Variants in HIVEP3 observed in about 807,000 individuals in gnomAD.
HIVEP3 encodes transcription factor HIVEP3.
Under a neutral mutation model 152.8 loss-of-function variants are expected in HIVEP3, and 49 were observed. That is an observed-to-expected ratio of 0.32 (90% CI 0.26 to 0.41). The LOEUF is 0.41. Among genes scored for constraint, HIVEP3 ranks in the 10% least tolerant of loss-of-function variants. HIVEP3 has a pLI of 1.00. For synonymous variants in HIVEP3, 1,269 were observed against 1,289.0 expected (o/e 0.98, Z 0.33); for missense variants, 2,790 against 3,103.3 (o/e 0.90, Z 2.40).
intron 1 of HIVEP3, among the ~76,000 whole-genome samples, chr1:41,815,754 T>G (rs35641083): frequency 1.8e-5 from 1 of 55,586 alleles, no homozygotes; most frequent in Non-Finnish European, 4.3e-5. Flanking sequence ...TTTTTTATTG[T>G]TTTTTTTTTT....
At chr1:41,848,248 A>G (rs2124378422) in intron 1 of HIVEP3, 1 of 152,328 alleles carries the variant, frequency 6.6e-6, no homozygotes, top group South Asian at 2.1e-4. Context: ...ATCCAATTGC[A>G]AAACTGGTCA....
At chr1:41,797,981 A>AAAAAAC (rs1650080570) in intron 1 of HIVEP3, among the ~76,000 whole-genome samples, 1 of 152,164 alleles carries the variant, frequency 6.6e-6, no homozygotes, top group Non-Finnish European at 1.5e-5. Flanking sequence ...TCCATCTAAA[A>AAAAAAC]AAAAACAAAA....
chr1:41,579,053 T>C (rs1164203283), intron 4 of HIVEP3, among the ~76,000 whole-genome samples: 1 of 152,232 alleles, frequency 6.6e-6, no homozygotes, highest in Non-Finnish European at 1.5e-5. Context: ...TTATAGCTCC[T>C]GATGTAGCCT....
chr1:41,534,014 T>G (rs1004732326), intron 5 of HIVEP3, among the ~76,000 whole-genome samples: 1 of 151,996 alleles, frequency 6.6e-6, no homozygotes, highest in African/African-American at 2.4e-5. Context: ...CCTTGATGGC[T>G]CCATTTCCTT....
chr1:41,942,138 C>G (rs1193678631), intron 1 of HIVEP3, among the ~76,000 whole-genome samples: 1 of 152,190 alleles, frequency 6.6e-6, no homozygotes, highest in African/African-American at 2.4e-5. Flanking sequence ...ACATTTCCAG[C>G]TTTGGCAGTC....
At chr1:41,515,888 G>A (rs1030800276) in intron 7 of HIVEP3, among the ~76,000 whole-genome samples, 4 of 152,178 alleles carry the variant, frequency 2.6e-5, no homozygotes, top group Admixed American at 1.3e-4. Context: ...TGTCCCCCCA[G>A]TCTCAGCAGG....
intron 3 of HIVEP3, among the ~76,000 whole-genome samples, chr1:41,625,712 G>A (rs1188863401): frequency 1.3e-5 from 2 of 152,078 alleles, no homozygotes; most frequent in African/African-American, 4.8e-5. Flanking sequence ...TCTAGCCTGG[G>A]CAACAGAGCA....
intron 2 of HIVEP3, among the ~76,000 whole-genome samples, chr1:41,694,692 G>A (rs560565795): frequency 6.6e-6 from 1 of 152,178 alleles, no homozygotes; most frequent in Non-Finnish European, 1.5e-5. Flanking sequence ...CCAAGCAACA[G>A]GGCACTTCTC....
chr1:41,713,521 T>C (rs1395949209), intron 1 of HIVEP3, among the ~76,000 whole-genome samples: 1 of 152,250 alleles, frequency 6.6e-6, no homozygotes, highest in Non-Finnish European at 1.5e-5. Context: ...GTTAACTTTT[T>C]ATGTAAATGA....
At chr1:41,725,815 G>A (rs893647042) in intron 1 of HIVEP3, among the ~76,000 whole-genome samples, 3 of 152,186 alleles carry the variant, frequency 2.0e-5, no homozygotes, top group Non-Finnish European at 4.4e-5. Flanking sequence ...ACCAGTCCCA[G>A]GGTCATTTTA....
intron 1 of HIVEP3, among the ~76,000 whole-genome samples, chr1:42,021,427 C>T (rs1225092165): frequency 1.3e-5 from 2 of 151,998 alleles, no homozygotes; most frequent in African/African-American, 2.4e-5. Flanking sequence ...GACAATGCTG[C>T]CATTTTATGA....
At chr1:41,799,514 C>A (rs1330288919) in intron 1 of HIVEP3, among the ~76,000 whole-genome samples, 1 of 152,220 alleles carries the variant, frequency 6.6e-6, no homozygotes, top group African/African-American at 2.4e-5. Flanking sequence ...AATGTTCCTG[C>A]AGTGCTAGCT....
At chr1:41,718,897 C>T (rs959102847) in intron 1 of HIVEP3, among the ~76,000 whole-genome samples, 2 of 152,226 alleles carry the variant, frequency 1.3e-5, no homozygotes, top group Admixed American at 6.5e-5. Flanking sequence ...AGAACGAAGG[C>T]GCTAGTGGAT....
intron 2 of HIVEP3, among the ~76,000 whole-genome samples, chr1:41,694,194 T>C (rs961619165): frequency 6.6e-6 from 1 of 152,216 alleles, no homozygotes; most frequent in Non-Finnish European, 1.5e-5. Context: ...GAAGTCTTTT[T>C]CCCTCTATGC....
chr1:41,525,000 C>T lies in HIVEP3; in HGVS notation c.5208-90G>A, dbSNP rs935034902. The stretch of plus-strand genomic sequence containing the variant: ...AGACGCACGCGCTTCCTAGATTCAT[C>T]CAGCCCGTTACAGACGCAAGGAATG... On this transcript the variant is annotated intron_variant, in intron 5 of 8. Coordinates refer to ENST00000372583, the MANE Select transcript of HIVEP3 (RefSeq NM_024503.5). 1.2e-5 allele frequency: 15 copies of T among 1,239,310 alleles called. No homozygotes were observed. In the African/African-American group the frequency reaches 2.1e-4, roughly 17 times the overall value. 76.8% of individuals were successfully genotyped at this position (1,239,310 alleles called of 1,614,324 possible). A position where few individuals can be genotyped will look rare whatever the true frequency, so the allele number is the denominator to read the frequency against.
chr1:41,609,086 G>A (rs764252731), intron 3 of HIVEP3, among the ~76,000 whole-genome samples: 6 of 151,878 alleles, frequency 4.0e-5, no homozygotes, highest in Non-Finnish European at 8.8e-5. Context: ...GGTTTTCACT[G>A]TCATCATACC....
At chr1:41,709,951 C>T (rs1646489109) in intron 1 of HIVEP3, among the ~76,000 whole-genome samples, 1 of 152,080 alleles carries the variant, frequency 6.6e-6, no homozygotes, top group Non-Finnish European at 1.5e-5. Context: ...TGGAGTGGGG[C>T]AGGGGGAGGT....
intron 1 of HIVEP3, among the ~76,000 whole-genome samples, chr1:41,779,431 A>G (rs1236237747): frequency 6.6e-6 from 1 of 152,258 alleles, no homozygotes; most frequent in Non-Finnish European, 1.5e-5. Context: ...TGCAAAGCAC[A>G]TATGGAATAG....
intron 1 of HIVEP3, among the ~76,000 whole-genome samples, chr1:41,767,599 T>G (rs938278028): frequency 6.6e-6 from 1 of 152,226 alleles, no homozygotes; most frequent in African/African-American, 2.4e-5. Flanking sequence ...TCAGGACTCA[T>G]GGAATCTTAG....
Sources: gnomAD v4.1 joint callset for allele counts (sites outside exome capture counted in the v4.1 genomes callset) on GRCh38, gnomAD v4.1.1 for gene constraint, MANE v1.5 for transcripts, NCBI Gene and HGNC (gene_info 2026-07-23, HGNC 2026-07-21) for gene names.